The following EMX1 variants were observed in gnomAD, a reference collection of about 807,000 sequenced individuals.
EMX1 encodes the protein empty spiracles homeobox 1.
EMX1 carries 10 observed loss-of-function variants against 20.1 expected under a neutral mutation model. The ratio of observed to expected loss-of-function variants is 0.50; its 90% CI spans 0.31 to 0.84. EMX1 has a LOEUF of 0.84. Ranked by LOEUF, EMX1 falls within the 40% of genes least tolerant of loss-of-function variation. The probability of loss-of-function intolerance (pLI) is 0.05; values close to 1 mark genes in which losing one functional copy is unlikely to be tolerated. For synonymous variants in EMX1, 250 were observed against 200.4 expected (o/e 1.25, Z -2.09); for missense variants, 424 against 431.9 (o/e 0.98, Z 0.16).
At chr2:72,920,320 A>G (rs1407454606) in intron 1 of EMX1, among the ~76,000 whole-genome samples, 1 of 152,240 alleles carries the variant, frequency 6.6e-6, no homozygotes, top group East Asian at 1.9e-4. Flanking sequence ...GTTATCGAGT[A>G]GCACAAACAG....
At chr2:72,928,380 C>G (rs909381946) in intron 2 of EMX1, among the ~76,000 whole-genome samples, 2 of 152,174 alleles carry the variant, frequency 1.3e-5, no homozygotes, top group Non-Finnish European at 2.9e-5. Context: ...ATGTGGGGCA[C>G]CAACGGGCTT....
intron 1 of EMX1, 110 bp from the exon 2 acceptor site, chr2:72,924,199 C>A: frequency 7.4e-7 from 1 of 1,354,528 alleles, no homozygotes; most frequent in Non-Finnish European, 1.0e-6. Flanking sequence ...ATGGAGAGGG[C>A]AGGGCGCTTG....
At chr2:72,933,637 G>A (rs1671318681) in intron 2 of EMX1, 150 bp from the exon 3 acceptor site, 2 of 854,978 alleles carry the variant, frequency 2.3e-6, no homozygotes, top group Non-Finnish European at 3.5e-6. Context: ...GGGAGCAGCT[G>A]GTCAGAGGGG....
At chr2:72,933,540 T>G in intron 2 of EMX1, 2 of 526,168 alleles carry the variant, frequency 3.8e-6, no homozygotes, top group Non-Finnish European at 6.8e-6. Context: ...ACCCTTTGTT[T>G]GAGAGGAACA....
chr2:72,916,571 A>G (rs1670965537), upstream of EMX1: 1 of 616,282 alleles, frequency 1.6e-6, no homozygotes, highest in African/African-American at 1.8e-5. Context: ...CGCCGTACGG[A>G]AAAACTGGCC....
Position 72,918,356 on chromosome 2 carries a change from C to G in EMX1, c.504C>G (p.Phe168Leu), listed in dbSNP as rs753543454. The G allele has an allele frequency of 1.4e-6, 2 of 1,474,624 alleles. No individual in the cohort carries two copies. Among genetic ancestry groups the G allele is most frequent in the African/African-American group, 2.9e-5 (2 of 68,320 alleles). 91.3% of individuals were successfully genotyped at this position (1,474,624 alleles called of 1,614,324 possible). ...CCTGGGTCCTGCGGAACCGCTTCTT[C>G]GGCCACCGCTTCCAGGGTGAGTGTC... ...FYPWVLRNRFFGHRFQASDVP... is the reference protein window; with the variant it reads ...FYPWVLRNRFLGHRFQASDVP... The change falls in exon 1 of 3, where the codon TTC becomes TTG. Residue 168 changes from phenylalanine to leucine, a missense_variant. Phe to Leu is a conservative substitution (Grantham distance 22). Transcript: ENST00000258106.
intron 2 of EMX1, among the ~76,000 whole-genome samples, chr2:72,932,776 G>A (rs1028290066): frequency 6.6e-6 from 1 of 152,154 alleles, no homozygotes. Context: ...CCCATACCTT[G>A]CCAGGGCTCT....
At position 72,934,628 on chromosome 2, in the gene EMX1, G is replaced by C. The variant is rs1671335868; in HGVS notation, c.*674G>C. 6.6e-6 allele frequency: 1 copy of C among 152,290 alleles called. No homozygotes were observed. The highest frequency in any genetic ancestry group is 2.4e-5 in the African/African-American group (1 of 41,446). The allele number at this position is 152,290 out of a possible 1,614,324, so 9.4% of individuals were successfully genotyped here. A position where few individuals can be genotyped will look rare whatever the true frequency, so the allele number is the denominator to read the frequency against. ...TCTTTCTTAACGTATTGAGAGGTGGGAATCAGGCCCAGGTAGTTCAATGGG... is the reference window on the plus strand; with the variant it reads ...TCTTTCTTAACGTATTGAGAGGTGGCAATCAGGCCCAGGTAGTTCAATGGG... On this transcript the variant is annotated 3_prime_UTR_variant, in exon 3 of 3. Coordinates refer to ENST00000258106, the MANE Select transcript of EMX1 (RefSeq NM_004097.3).
chr2:72,916,745 G>A (rs1208973879), upstream of EMX1: 7 of 717,304 alleles, frequency 9.8e-6, no homozygotes, highest in Admixed American at 1.4e-4. Context: ...GCCCTGACCT[G>A]GTCCGGCCCG....
chr2:72,934,028 G>T lies in EMX1; in HGVS notation c.*74G>T. 1 of 1,576,716 alleles carries T rather than the reference G, an allele frequency of 6.3e-7. No homozygotes were observed. The highest frequency in any genetic ancestry group is 2.3e-5 in the East Asian group (1 of 43,916). The stretch of plus-strand genomic sequence containing the variant: ...CAGGCCCCTGCGTGGGCCCAAGCTG[G>T]ACTCTGGCCACTCCCTGGCCAGGCT... On this transcript the variant is annotated 3_prime_UTR_variant, in exon 3 of 3. Coordinates refer to ENST00000258106, the MANE Select transcript of EMX1 (RefSeq NM_004097.3).
At chr2:72,916,578 G>C (rs913662767), upstream of EMX1, 32 of 622,788 alleles carry the variant, frequency 5.1e-5, no homozygotes, top group Middle Eastern at 6.3e-4. Context: ...CGGAAAAACT[G>C]GCCGGAGCAG....
chr2:72,930,506 A>G lies in EMX1; in HGVS notation c.706-3281A>G, dbSNP rs1442788607. On this transcript the variant is annotated intron_variant, in intron 2 of 2. Transcript: ENST00000258106. This position sits in a 1 kb window ranked among gnomAD's most constrained non-coding sequence, Gnocchi z 4.4. ...TGAAATGAGGACTTGGGAGACCACA[A>G]GGGACCTCTTGCTACAGCAGAGAGG... 3.9e-5 allele frequency among the ~76,000 whole-genome samples: 6 copies of G among 152,212 alleles called. No homozygotes were observed. Among genetic ancestry groups the G allele is most frequent in the Admixed American group, 2.0e-4 (3 of 15,288 alleles).
At position 72,930,262 on chromosome 2, in the gene EMX1, C is replaced by A. The variant is rs1573900271; in HGVS notation, c.706-3525C>A. 6.6e-6 allele frequency among the ~76,000 whole-genome samples: 1 copy of A among 152,160 alleles called. No homozygotes were observed. The highest frequency in any genetic ancestry group is 1.9e-4 in the East Asian group (1 of 5,198). ...CCAGTCTCATAGTCTGGTGAGGAGG[C>A]AGACGTAAATAAATAAATTAGTGCA... On this transcript the variant is annotated intron_variant, in intron 2 of 2. Coordinates refer to ENST00000258106, the MANE Select transcript of EMX1 (RefSeq NM_004097.3). The surrounding 1 kb of genome is among the most constrained non-coding windows in gnomAD (Gnocchi z 4.4).
intron 2 of EMX1, chr2:72,925,608 T>A (rs1573898346): frequency 7.9e-7 from 1 of 1,264,770 alleles, no homozygotes; most frequent in East Asian, 5.7e-5. Flanking sequence ...TTCCTCCTAG[T>A]CTCGACCCTA....
At chr2:72,920,397 A>G (rs886158290) in intron 1 of EMX1, among the ~76,000 whole-genome samples, 2 of 152,152 alleles carry the variant, frequency 1.3e-5, no homozygotes, top group African/African-American at 2.4e-5. Context: ...GCATTTTCGG[A>G]CCCGGAAATC....
intron 1 of EMX1, among the ~76,000 whole-genome samples, chr2:72,920,754 G>A (rs763687138): frequency 1.3e-5 from 2 of 152,258 alleles, no homozygotes; most frequent in African/African-American, 4.8e-5. Context: ...AGCGAATGCG[G>A]AATCGTCCAG....
intron 2 of EMX1, chr2:72,926,414 T>G (rs1671200382): frequency 1.7e-6 from 1 of 594,996 alleles, no homozygotes. Flanking sequence ...TCAGGGCTAA[T>G]CTTCTTCCCG....
chr2:72,920,080 C>T (rs1462250092), intron 1 of EMX1, among the ~76,000 whole-genome samples: 1 of 152,178 alleles, frequency 6.6e-6, no homozygotes. Context: ...GGCCTCCAGC[C>T]GTTCAGCTTG....
chr2:72,928,296 C>T (rs540775706), intron 2 of EMX1, among the ~76,000 whole-genome samples: 1 of 152,300 alleles, frequency 6.6e-6, no homozygotes, highest in African/African-American at 2.4e-5. Flanking sequence ...GTTGGGCAGA[C>T]CTGGGCCTGG....
Sources: gnomAD v4.1 joint callset for allele counts (sites outside exome capture counted in the v4.1 genomes callset) on GRCh38, gnomAD v4.1.1 for gene constraint, Gnocchi (gnomAD v3.1) non-coding constraint, MANE v1.5 for transcripts, NCBI Gene and HGNC (gene_info 2026-07-23, HGNC 2026-07-21) for gene names.